Variants in STARD8 observed in about 807,000 individuals in gnomAD.
STARD8 encodes the protein stAR-related lipid transfer protein 8.
Under a neutral mutation model 69.4 loss-of-function variants are expected in STARD8, and 25 were observed. The observed-to-expected ratio is 0.36, with a 90% CI of 0.26 to 0.50. The LOEUF (loss-of-function observed/expected upper bound fraction) is 0.50, where lower values mean the gene tolerates loss of function less well. STARD8 is among the 20% of genes least tolerant of loss of function. The pLI, the probability that STARD8 is intolerant of heterozygous loss-of-function variation, is 0.96. For synonymous variants in STARD8, 389 were observed against 374.6 expected (o/e 1.04, Z -0.45); for missense variants, 921 against 932.5 (o/e 0.99, Z 0.16).
In STARD8 at chrX:68,718,387, G is replaced by C; in HGVS notation, c.1473G>C (p.Pro491=). The change falls in exon 6 of 15, where the codon CCG becomes CCC. Residue 491 remains proline, a synonymous_variant. Coordinates refer to ENST00000374599, the MANE Select transcript of STARD8 (RefSeq NM_001142503.3). ...EAEAPAPAPA[P]APAQDSEQEA... is the part of the protein sequence containing the mutation. ...AGGCCCCGGCCCCAGCCCCGGCCCC[G>C]GCCCCAGCCCAGGACAGTGAGCAGG... is the stretch of plus-strand genomic sequence containing the variant. 2.5e-6 allele frequency: 3 copies of C among 1,207,074 alleles called. No homozygotes were observed. Among genetic ancestry groups the C allele is most frequent in the South Asian group, 3.5e-5 (2 of 56,362 alleles).
chrX:68,685,936 T>C (rs1322146236), intron 2 of STARD8, among the ~76,000 whole-genome samples: 1 of 112,107 alleles, frequency 8.9e-6, no homozygotes, highest in African/African-American at 3.2e-5. Context: ...GCCAGAGCCA[T>C]TGTTTCCTTC....
At chrX:68,718,772 A>G in intron 6 of STARD8, 143 bp downstream of exon 6, 4 of 1,053,043 alleles carry the variant, frequency 3.8e-6, no homozygotes, top group South Asian at 5.3e-5. Context: ...GAGAGAGAGT[A>G]CAGGACTTGG....
At chrX:68,673,023 A>T (rs1371773842) in intron 2 of STARD8, among the ~76,000 whole-genome samples, 1 of 111,540 alleles carries the variant, frequency 9.0e-6, no homozygotes, top group African/African-American at 3.3e-5. Flanking sequence ...AAAAAGAAAA[A>T]GGCCAAAAGG....
intron 2 of STARD8, among the ~76,000 whole-genome samples, chrX:68,706,085 C>A (rs921397943): frequency 9.0e-6 from 1 of 111,550 alleles, no homozygotes; most frequent in Non-Finnish European, 1.9e-5. Context: ...AAGTGTTGCT[C>A]GCATGGGCCT....
intron 1 of STARD8, among the ~76,000 whole-genome samples, chrX:68,651,878 C>T (rs1602531962): frequency 9.8e-6 from 1 of 102,496 alleles, no homozygotes; most frequent in African/African-American, 3.6e-5. Context: ...TTTTTTTTGA[C>T]CGAGTCTCGC....
chrX:68,647,818 C>G lies in STARD8; in HGVS notation c.-65C>G. On this transcript the variant is annotated 5_prime_UTR_variant, in exon 1 of 15. Coordinates refer to ENST00000374599, the MANE Select transcript of STARD8 (RefSeq NM_001142503.3). The stretch of plus-strand genomic sequence containing the variant: ...CCCCGGGCCTCTTTTAGCCTCGTCC[C>G]CAGAGAGGGAGGAGCCGGTGCCCGG... 8.6e-7 allele frequency: 1 copy of G among 1,161,815 alleles called. No individual in the cohort carries two copies. The highest frequency in any genetic ancestry group is 1.2e-6 in the Non-Finnish European group (1 of 866,816).
intron 2 of STARD8, among the ~76,000 whole-genome samples, chrX:68,707,506 C>T (rs1259555998): frequency 2.7e-5 from 3 of 111,478 alleles, no homozygotes; most frequent in Non-Finnish European, 3.8e-5. Flanking sequence ...TTAGAAGAAC[C>T]GGGAGAGCTC....
At position 68,681,804 on chromosome X, in the gene STARD8, TG is replaced by T. The variant is rs758795599; in HGVS notation, c.79+16277del. Reference sequence around the variant, plus strand: ...GGTCCAGCCACACCAATGGTGGGACTGGGGGAAGGTCTTCTCTCTCTTCCCC... The same window carrying T: ...GGTCCAGCCACACCAATGGTGGGACTGGGGAAGGTCTTCTCTCTCTTCCCC... On this transcript the variant is annotated intron_variant, in intron 2 of 14. Transcript: ENST00000374599. Among the ~76,000 whole-genome samples, 12 of 111,520 alleles carry T rather than the reference TG, an allele frequency of 1.1e-4. No individual in the cohort carries two copies. The Admixed American group carries it at 1.1e-3, about 11-fold the overall frequency.
chrX:68,669,422 C>T (rs113964693), intron 2 of STARD8, among the ~76,000 whole-genome samples: 2,594 of 111,783 alleles, frequency 0.023, 66 homozygotes, highest in African/African-American at 0.08. Flanking sequence ...AATTCAATGA[C>T]TCCTTGACTT....
At chrX:68,693,423 C>G (rs992562966) in intron 2 of STARD8, among the ~76,000 whole-genome samples, 2 of 112,820 alleles carry the variant, frequency 1.8e-5, no homozygotes, top group Non-Finnish European at 3.8e-5. Flanking sequence ...ACTGCTTGAG[C>G]CTCAGTCTTT....
intron 2 of STARD8, among the ~76,000 whole-genome samples, chrX:68,699,889 A>T (rs1348849549): frequency 8.9e-6 from 1 of 111,976 alleles, no homozygotes; most frequent in Non-Finnish European, 1.9e-5. Context: ...AGCTCTCACG[A>T]TTGGAGAGCC....
chrX:68,696,108 A>G (rs1303565072), intron 2 of STARD8, among the ~76,000 whole-genome samples: 1 of 112,708 alleles, frequency 8.9e-6, no homozygotes, highest in Non-Finnish European at 1.9e-5. Flanking sequence ...TTAGGCTCCC[A>G]GTTTGGTTAG....
chrX:68,721,774 C>T lies in STARD8; in HGVS notation c.2459+28C>T, dbSNP rs754892812. On this transcript the variant is annotated intron_variant, in intron 10 of 14. Coordinates refer to ENST00000374599, the MANE Select transcript of STARD8 (RefSeq NM_001142503.3). ...GAAATGGTGCACGGCATGTCAGGGC[C>T]GGGCTGGGTCCAGACAATTTGGGCC... 3.7e-5 allele frequency: 44 copies of T among 1,183,224 alleles called. No individual in the cohort carries two copies. The Admixed American group carries it at 6.9e-4, about 19-fold the overall frequency.
chrX:68,668,114 T>TTTCTTTCTTTC (rs1407242027), intron 2 of STARD8, among the ~76,000 whole-genome samples: 1 of 96,257 alleles, frequency 1.0e-5, no homozygotes, highest in African/African-American at 4.1e-5. Context: ...TCTTTCTTTC[T>TTTCTTTCTTTC]GTCTTTCTTT....
intron 1 of STARD8, among the ~76,000 whole-genome samples, chrX:68,652,892 A>G (rs1361160911): frequency 4.2e-5 from 1 of 23,741 alleles, no homozygotes; most frequent in Non-Finnish European, 7.6e-5. Flanking sequence ...ACACACACAC[A>G]CCACACCACA....
At chrX:68,706,174 C>G (rs1409349794) in intron 2 of STARD8, among the ~76,000 whole-genome samples, 1 of 112,094 alleles carries the variant, frequency 8.9e-6, no homozygotes, top group Non-Finnish European at 1.9e-5. Flanking sequence ...CTGAGTTCTG[C>G]CCGGTGACCT....
chrX:68,665,374 G>A (rs1326899791), intron 1 of STARD8, 125 bp from the exon 2 acceptor site: 4 of 772,812 alleles, frequency 5.2e-6, no homozygotes, highest in Non-Finnish European at 7.6e-6. Flanking sequence ...CCTTTTCTTT[G>A]GACCTCCATG....
chrX:68,683,447 T>C (rs1232662182), intron 2 of STARD8, among the ~76,000 whole-genome samples: 2 of 111,999 alleles, frequency 1.8e-5, no homozygotes, highest in African/African-American at 6.5e-5. Flanking sequence ...AAACACTCCA[T>C]AAACCTTAGC....
intron 1 of STARD8, among the ~76,000 whole-genome samples, chrX:68,653,671 A>C (rs1393558166): frequency 4.1e-5 from 2 of 48,817 alleles, no homozygotes; most frequent in African/African-American, 1.7e-4. Flanking sequence ...TACACCCCCC[A>C]ACACACCACA....
Sources: gnomAD v4.1 joint callset for allele counts (sites outside exome capture counted in the v4.1 genomes callset) on GRCh38, gnomAD v4.1.1 for gene constraint, MANE v1.5 for transcripts, NCBI Gene and HGNC (gene_info 2026-07-23, HGNC 2026-07-21) for gene names.